Variants in PEAK1 observed in about 807,000 individuals in gnomAD.
PEAK1 encodes the protein pseudopodium enriched atypical kinase 1.
A neutral mutation model predicts 124.7 loss-of-function variants in PEAK1; 54 were observed. The ratio of observed to expected loss-of-function variants is 0.43; its 90% CI spans 0.35 to 0.54. The LOEUF (loss-of-function observed/expected upper bound fraction) is 0.54, where lower values mean the gene tolerates loss of function less well. PEAK1 is among the 20% of genes least tolerant of loss of function. The pLI, the probability that PEAK1 is intolerant of heterozygous loss-of-function variation, is 0.01. For missense variants in PEAK1, 2,046 were observed against 2,134.5 expected (o/e 0.96, Z 0.82); for synonymous variants, 719 against 760.0 (o/e 0.95, Z 0.89).
intron 6 of PEAK1, among the ~76,000 whole-genome samples, chr15:77,196,876 G>T (rs1056269968): frequency 1.3e-5 from 2 of 151,988 alleles, no homozygotes; most frequent in Non-Finnish European, 2.9e-5. Flanking sequence ...TACAGACAGG[G>T]TCTCACTCTG....
At chr15:77,151,988 T>C (rs1346781242) in intron 8 of PEAK1, among the ~76,000 whole-genome samples, 2 of 152,218 alleles carry the variant, frequency 1.3e-5, no homozygotes, top group Non-Finnish European at 2.9e-5. Context: ...TTTGGTTTCA[T>C]ATGAACTTTA....
In PEAK1 at chr15:77,182,969, TA is replaced by T. The variant is rs112773629; in HGVS notation, c.-114-930del. On this transcript the variant is annotated intron_variant, in intron 6 of 9. Transcript: ENST00000682557. ...GTATATAAGTCCAACAAAATATGTG[TA>T]AAATCTAGAATCTATATGAGCAAAA... Among the ~76,000 whole-genome samples, 496 of 151,954 alleles carry T rather than the reference TA, an allele frequency of 3.3e-3. 5 individuals are homozygous for T. The highest frequency in any genetic ancestry group is 0.012 in the African/African-American group (478 of 41,424).
intron 1 of PEAK1, among the ~76,000 whole-genome samples, chr15:77,389,751 C>T (rs2070294122): frequency 6.6e-6 from 1 of 152,088 alleles, no homozygotes; most frequent in African/African-American, 2.4e-5. Context: ...AGAATACAAA[C>T]ACGGGAAAGC....
chr15:77,386,023 T>A (rs2069901724), intron 1 of PEAK1, among the ~76,000 whole-genome samples: 1 of 152,178 alleles, frequency 6.6e-6, no homozygotes, highest in Non-Finnish European at 1.5e-5. Flanking sequence ...TGGTACTATT[T>A]TCATAGAACT....
intron 5 of PEAK1, among the ~76,000 whole-genome samples, chr15:77,259,620 T>A (rs2061337330): frequency 6.6e-6 from 1 of 152,180 alleles, no homozygotes; most frequent in Non-Finnish European, 1.5e-5. Context: ...AACTTCTGCT[T>A]CTGACCATGA....
chr15:77,182,138 T>C, intron 6 of PEAK1, 98 bp from the exon 7 acceptor site: 1 of 1,133,896 alleles, frequency 8.8e-7, no homozygotes, highest in Non-Finnish European at 1.1e-6. Flanking sequence ...ATTCCTAAAC[T>C]TTTCCTTAAA....
intron 2 of PEAK1, among the ~76,000 whole-genome samples, chr15:77,354,717 G>A (rs765281998): frequency 3.9e-5 from 6 of 152,114 alleles, no homozygotes; most frequent in Admixed American, 6.6e-5. Context: ...TACTAAGTAC[G>A]TTTTTGTCCA....
At chr15:77,248,032 T>C (rs1342569871) in intron 6 of PEAK1, among the ~76,000 whole-genome samples, 1 of 152,156 alleles carries the variant, frequency 6.6e-6, no homozygotes, top group Non-Finnish European at 1.5e-5. Context: ...GCAGAACTGA[T>C]ATTATTAAAT....
chr15:77,335,695 T>C, intron 2 of PEAK1: 2 of 848,074 alleles, frequency 2.4e-6, no homozygotes, highest in Non-Finnish European at 2.8e-6. Context: ...TGACCCATGT[T>C]GCCCAGGCTG....
chr15:77,168,808 G>A (rs1376747553), intron 7 of PEAK1, among the ~76,000 whole-genome samples: 1 of 152,228 alleles, frequency 6.6e-6, no homozygotes, highest in African/African-American at 2.4e-5. Flanking sequence ...CAAACCAGAA[G>A]TTGGGGTTTG....
intron 8 of PEAK1, 198 bp downstream of exon 8, chr15:77,158,305 G>GT: frequency 1.8e-6 from 1 of 569,468 alleles, no homozygotes; most frequent in Non-Finnish European, 3.1e-6. Context: ...CTTGGCACAG[G>GT]GCTCATGGGT....
intron 1 of PEAK1, among the ~76,000 whole-genome samples, chr15:77,387,175 A>C (rs1335182456): frequency 6.6e-6 from 1 of 152,224 alleles, no homozygotes; most frequent in African/African-American, 2.4e-5. Flanking sequence ...CAATCTTGAT[A>C]ATCTTTTCTA....
At chr15:77,293,493 C>T (rs560547971) in intron 2 of PEAK1, among the ~76,000 whole-genome samples, 2 of 152,252 alleles carry the variant, frequency 1.3e-5, no homozygotes, top group Admixed American at 6.5e-5. Context: ...GTTAGTCCTC[C>T]CACTAGAAAT....
At chr15:77,241,601 G>T (rs1329303428) in intron 6 of PEAK1, among the ~76,000 whole-genome samples, 3 of 151,720 alleles carry the variant, frequency 2.0e-5, no homozygotes, top group African/African-American at 7.3e-5. Flanking sequence ...AAACTTCTTA[G>T]AATTAATACG....
chr15:77,298,079 A>C (rs2063590041), intron 2 of PEAK1, among the ~76,000 whole-genome samples: 2 of 149,378 alleles, frequency 1.3e-5, no homozygotes, highest in Non-Finnish European at 3.0e-5. Context: ...AAAAAAAAAA[A>C]AAAAAAAAAA....
chr15:77,409,566 C>A (rs1357864511), intron 1 of PEAK1, among the ~76,000 whole-genome samples: 1 of 152,176 alleles, frequency 6.6e-6, no homozygotes, highest in Non-Finnish European at 1.5e-5. Flanking sequence ...TAATAAAAAT[C>A]TGTTCAACAA....
chr15:77,420,595 GTTC>G (rs1014304460), upstream of PEAK1: 14 of 335,992 alleles, frequency 4.2e-5, no homozygotes, highest in South Asian at 3.1e-4. Flanking sequence ...ACCAATTTCA[GTTC>G]TTCTACTTTC....
chr15:77,286,112 C>T (rs976627742), intron 3 of PEAK1, among the ~76,000 whole-genome samples: 1 of 152,080 alleles, frequency 6.6e-6, no homozygotes, highest in Admixed American at 6.6e-5. Flanking sequence ...GCCTTCATTT[C>T]GTTATTTACC....
chr15:77,400,458 A>G (rs559267342), intron 1 of PEAK1, among the ~76,000 whole-genome samples: 1 of 152,232 alleles, frequency 6.6e-6, no homozygotes, highest in Non-Finnish European at 1.5e-5. Flanking sequence ...ACATATACAC[A>G]ATGGAGTACT....
Sources: gnomAD v4.1 joint callset for allele counts (sites outside exome capture counted in the v4.1 genomes callset) on GRCh38, gnomAD v4.1.1 for gene constraint, MANE v1.5 for transcripts, NCBI Gene and HGNC (gene_info 2026-07-23, HGNC 2026-07-21) for gene names.